MYO1E: variants seen among roughly 807,000 people sequenced by gnomAD.
The protein encoded by MYO1E is unconventional myosin-Ie.
MYO1E carries 68 observed loss-of-function variants against 151.1 expected under a neutral mutation model. The ratio of observed to expected loss-of-function variants is 0.45; its 90% CI spans 0.37 to 0.55. MYO1E has a LOEUF of 0.55. Ranked by LOEUF, MYO1E falls within the 20% of genes least tolerant of loss-of-function variation. MYO1E has a pLI of 0.00. For missense variants in MYO1E, 1,363 were observed against 1,389.3 expected (o/e 0.98, Z 0.30); for synonymous variants, 601 against 501.7 (o/e 1.20, Z -2.64).
chr15:59,228,625 G>C lies in MYO1E; in HGVS notation c.511-1035C>G, dbSNP rs190599894. 1.5e-4 allele frequency among the ~76,000 whole-genome samples: 23 copies of C among 152,066 alleles called. No homozygotes were observed. In the East Asian group the frequency reaches 4.4e-3, roughly 29 times the overall value. On this transcript the variant is annotated intron_variant, in intron 6 of 27. Coordinates refer to ENST00000288235, the MANE Select transcript of MYO1E (RefSeq NM_004998.4). Reference sequence around the variant, plus strand: ...TTAAGCACCCTCAGAGGCCAGAAGGGTAAATACGGATAAAGGAAAAGAGGG... The same window carrying C: ...TTAAGCACCCTCAGAGGCCAGAAGGCTAAATACGGATAAAGGAAAAGAGGG...
At chr15:59,218,640 C>G (rs2079934597) in intron 9 of MYO1E, among the ~76,000 whole-genome samples, 1 of 152,082 alleles carries the variant, frequency 6.6e-6, no homozygotes, top group Non-Finnish European at 1.5e-5. Context: ...TGTAAGAAAT[C>G]TTGAATGCAA....
At chr15:59,352,377 A>G (rs1459169629) in intron 1 of MYO1E, among the ~76,000 whole-genome samples, 1 of 152,194 alleles carries the variant, frequency 6.6e-6, no homozygotes, top group Non-Finnish European at 1.5e-5. Flanking sequence ...GCAATCATCT[A>G]GAGACCTTGT....
At position 59,372,851 on chromosome 15, in the gene MYO1E, G is replaced by C; in HGVS notation, c.-351C>G. ...TCCTCTTTCTTCGGCCACTTAATCC[G>C]TACTCCTCTGGCTGAGTCTCGGCTC... On this transcript the variant is annotated 5_prime_UTR_variant, in exon 1 of 28. Transcript: ENST00000288235. 2.5e-6 allele frequency: 1 copy of C among 393,484 alleles called. No homozygotes were observed. The highest frequency in any genetic ancestry group is 4.6e-6 in the Non-Finnish European group (1 of 217,850). 24.4% of individuals were successfully genotyped at this position (393,484 alleles called of 1,614,324 possible).
At chr15:59,334,137 C>T (rs974480154) in intron 1 of MYO1E, among the ~76,000 whole-genome samples, 1 of 152,116 alleles carries the variant, frequency 6.6e-6, no homozygotes, top group African/African-American at 2.4e-5. Flanking sequence ...AAAAATTAGC[C>T]TGGCATGGTG....
rs538737519 is a variant in MYO1E at position 59,336,650 on chromosome 15, T to C, written c.3+35848A>G. On this transcript the variant is annotated intron_variant, in intron 1 of 27. Transcript: ENST00000288235. ...AGTTCTGGGATACATTTGCAGAACG[T>C]GCGGGTTTGTTACATAGGTATACAC... is the stretch of plus-strand genomic sequence containing the variant. Among the ~76,000 whole-genome samples, 5 of 152,250 alleles carry C rather than the reference T, an allele frequency of 3.3e-5. No homozygotes were observed. The South Asian group carries it at 1.0e-3, about 32-fold the overall frequency.
chr15:59,296,776 C>A (rs564016277), intron 1 of MYO1E, among the ~76,000 whole-genome samples: 4 of 151,642 alleles, frequency 2.6e-5, no homozygotes, highest in Non-Finnish European at 5.9e-5. Flanking sequence ...GCTGTTTAAA[C>A]CATCTATTTT....
Position 59,227,447 on chromosome 15 carries a change from A to G in MYO1E, c.642+12T>C, listed in dbSNP as rs769320852. 4 of 1,613,984 alleles carry G rather than the reference A, an allele frequency of 2.5e-6. No individual in the cohort carries two copies. The African/African-American group carries it at 4.0e-5, about 16-fold the overall frequency. On this transcript the variant is annotated intron_variant, in intron 7 of 27. Coordinates refer to ENST00000288235, the MANE Select transcript of MYO1E (RefSeq NM_004998.4). ...GACAGGAAGTGGGTAGGAAAAAAGT[A>G]AACAGGAAAACCTGGTAAAATATGT...
chr15:59,198,070 T>C (rs534194769), intron 16 of MYO1E, among the ~76,000 whole-genome samples: 1 of 152,292 alleles, frequency 6.6e-6, no homozygotes, highest in Non-Finnish European at 1.5e-5. Context: ...TCTCACTATA[T>C]TTCCCAGGCT....
chr15:59,265,717 G>A (rs1237768714), intron 2 of MYO1E, among the ~76,000 whole-genome samples: 4 of 150,620 alleles, frequency 2.7e-5, no homozygotes, highest in African/African-American at 9.8e-5. Context: ...AACACTGTGG[G>A]AGGACAAGTG....
chr15:59,157,465 G>A (rs904230403), intron 25 of MYO1E, among the ~76,000 whole-genome samples: 14 of 152,106 alleles, frequency 9.2e-5, no homozygotes, highest in Non-Finnish European at 1.2e-4. Context: ...CTGTGGCCTG[G>A]AAATATTAAA....
intron 1 of MYO1E, among the ~76,000 whole-genome samples, chr15:59,291,794 A>C (rs1435201763): frequency 1.3e-5 from 2 of 151,122 alleles, no homozygotes. Flanking sequence ...AAATGATTTA[A>C]ATTAAACATG....
intron 10 of MYO1E, among the ~76,000 whole-genome samples, chr15:59,216,691 T>TAC (rs199582846): frequency 0.29 from 15,924 of 55,824 alleles, 2,932 homozygotes; most frequent in Middle Eastern, 0.41. Context: ...TATATACACA[T>TAC]ACACACACAC....
Position 59,159,895 on chromosome 15 carries a change from T to A in MYO1E, c.2785+1178A>T, listed in dbSNP as rs2079528178. Among the ~76,000 whole-genome samples the A allele has an allele frequency of 1.3e-5, 2 of 152,280 alleles. No individual in the cohort carries two copies. The highest frequency in any genetic ancestry group is 6.5e-5 in the Admixed American group (1 of 15,300). The stretch of plus-strand genomic sequence containing the variant: ...GTTTCGCTCTTGTTGCCCAGGCTGG[T>A]GTGCAATGGCGCGATCTCAGCTCAC... On this transcript the variant is annotated intron_variant, in intron 24 of 27. Coordinates refer to ENST00000288235, the MANE Select transcript of MYO1E (RefSeq NM_004998.4). The surrounding 1 kb of genome is among the most constrained non-coding windows in gnomAD (Gnocchi z 4.4).
At chr15:59,142,029 C>T (rs910237806) in intron 26 of MYO1E, among the ~76,000 whole-genome samples, 74 of 151,968 alleles carry the variant, frequency 4.9e-4, no homozygotes, top group African/African-American at 1.5e-3. Flanking sequence ...ATGGCGTGAA[C>T]CAGGGAGGCG....
At chr15:59,164,725 G>A (rs776236655) in intron 22 of MYO1E, among the ~76,000 whole-genome samples, 1 of 152,170 alleles carries the variant, frequency 6.6e-6, no homozygotes, top group Non-Finnish European at 1.5e-5. Context: ...GGGCTCCCTT[G>A]GGCAGAGAAT....
At chr15:59,153,428 C>T (rs1469071558) in intron 26 of MYO1E, among the ~76,000 whole-genome samples, 162 bp downstream of exon 26, 3 of 152,190 alleles carry the variant, frequency 2.0e-5, no homozygotes, top group Non-Finnish European at 4.4e-5. Flanking sequence ...TACAAATAAC[C>T]AGCCACAGCC....
intron 4 of MYO1E, among the ~76,000 whole-genome samples, chr15:59,246,492 T>C (rs1596383211): frequency 6.6e-6 from 1 of 152,192 alleles, no homozygotes; most frequent in Admixed American, 6.5e-5. Context: ...CACTTGCCCA[T>C]TCCTTTATTT....
chr15:59,208,121 G>T, intron 14 of MYO1E: 1 of 1,521,030 alleles, frequency 6.6e-7, no homozygotes, highest in South Asian at 1.3e-5. Flanking sequence ...AATTATTGAA[G>T]AGATCATAGA....
intron 22 of MYO1E, among the ~76,000 whole-genome samples, chr15:59,168,256 G>C (rs1233336260): frequency 6.6e-6 from 1 of 152,106 alleles, no homozygotes; most frequent in Non-Finnish European, 1.5e-5. Context: ...TAAACAAGTA[G>C]GATAGTAGGG....
Sources: allele counts gnomAD v4.1 joint callset (sites outside exome capture counted in the v4.1 genomes callset), GRCh38; gene constraint gnomAD v4.1.1; non-coding constraint Gnocchi (gnomAD v3.1); transcripts MANE v1.5; gene names NCBI Gene and HGNC (gene_info 2026-07-23, HGNC 2026-07-21).